MRTFB: variants seen among roughly 807,000 people sequenced by gnomAD.
The protein encoded by MRTFB is myocardin-related transcription factor B.
MRTFB carries 29 observed loss-of-function variants against 104.2 expected under a neutral mutation model. That is an observed-to-expected ratio of 0.28 (90% CI 0.21 to 0.38). The LOEUF is 0.38. Among genes scored for constraint, MRTFB ranks in the 10% least tolerant of loss-of-function variants. The pLI, the probability that MRTFB is intolerant of heterozygous loss-of-function variation, is 1.00. For synonymous variants in MRTFB, 535 were observed against 519.5 expected, an observed-to-expected ratio of 1.03 and a Z score of -0.41; for missense variants, 1,270 against 1,341.6, an observed-to-expected ratio of 0.95 and a Z score of 0.83.
chr16:14,246,947 C>A lies in MRTFB; in HGVS notation c.1687C>A (p.Leu563Met). ...TCCCACCAGCAGCACTCTGTCAAACCTGGAACTGGATGCAGCCGAAAAGGA... is the reference window on the plus strand; with the variant it reads ...TCCCACCAGCAGCACTCTGTCAAACATGGAACTGGATGCAGCCGAAAAGGA... ...LSPTSSTLSN[L>M]ELDAAEKDRK... is the part of the protein sequence containing the mutation. Residue 563 changes from leucine (L) to methionine (M), a missense_variant, in exon 12 of 17, where the codon CTG (leucine) becomes ATG (methionine). Leu to Met is a conservative substitution (Grantham distance 15). Coordinates refer to ENST00000571589, the MANE Select transcript of MRTFB (RefSeq NM_001308142.2). 1 of 1,614,076 alleles carries A rather than the reference C, an allele frequency of 6.2e-7. No homozygotes were observed. Among genetic ancestry groups the A allele is most frequent in the South Asian group, 1.1e-5 (1 of 91,086 alleles).
intron 8 of MRTFB, among the ~76,000 whole-genome samples, chr16:14,220,157 G>A (rs1054868440): frequency 1.3e-5 from 2 of 152,220 alleles, no homozygotes; most frequent in Admixed American, 1.3e-4. Flanking sequence ...CCCACAGTCT[G>A]AGGTTTGAGC....
intron 6 of MRTFB, among the ~76,000 whole-genome samples, chr16:14,216,404 TAAC>T (rs1436798780): frequency 6.6e-6 from 1 of 152,200 alleles, no homozygotes; most frequent in Non-Finnish European, 1.5e-5. Context: ...GAAAAAACAT[TAAC>T]AAGAGTTACC....
At chr16:14,241,070 C>T (rs757910464) in intron 10 of MRTFB, 4 of 428,938 alleles carry the variant, frequency 9.3e-6, no homozygotes, top group African/African-American at 2.0e-5. Flanking sequence ...CGAGTACAGC[C>T]AATGTCTAAG....
At chr16:14,080,236 A>G (rs1301703327) in intron 2 of MRTFB, among the ~76,000 whole-genome samples, 2 of 152,248 alleles carry the variant, frequency 1.3e-5, no homozygotes, top group African/African-American at 2.4e-5. Flanking sequence ...CCTGTCCTCT[A>G]AAGAGACTAC....
chr16:14,066,862 G>T (rs1484298450), upstream of MRTFB, among the ~76,000 whole-genome samples: 2 of 151,656 alleles, frequency 1.3e-5, no homozygotes, highest in Non-Finnish European at 2.9e-5. Flanking sequence ...GTAGAGACAG[G>T]GTATCATTAT....
chr16:14,111,710 G>A (rs1386949987), intron 2 of MRTFB, among the ~76,000 whole-genome samples: 1 of 152,126 alleles, frequency 6.6e-6, no homozygotes, highest in Non-Finnish European at 1.5e-5. Flanking sequence ...ACCTGGAAGA[G>A]GGAGGTGCTG....
chr16:14,257,640 A>G (rs920854732), intron 15 of MRTFB, among the ~76,000 whole-genome samples: 13 of 152,108 alleles, frequency 8.5e-5, no homozygotes, highest in African/African-American at 2.9e-4. Flanking sequence ...CATTATCTTG[A>G]TTTTGTTTAT....
chr16:13,999,436 G>T, the MRTFB span, among the ~76,000 whole-genome samples: 2 of 151,406 alleles, frequency 1.3e-5, no homozygotes, highest in Non-Finnish European at 2.9e-5. Flanking sequence ...ACTGGCTCTG[G>T]GATGGGCACA....
At chr16:14,198,708 C>T (rs1415610835) in intron 3 of MRTFB, among the ~76,000 whole-genome samples, 1 of 152,192 alleles carries the variant, frequency 6.6e-6, no homozygotes, top group Non-Finnish European at 1.5e-5. Flanking sequence ...TTCAACTTCT[C>T]CAAAAAGTTA....
rs768741320 is a variant in MRTFB at position 14,171,037 on chromosome 16, G to T, written c.154+30277G>T. Among the ~76,000 whole-genome samples, 33 of 152,156 alleles carry T rather than the reference G, an allele frequency of 2.2e-4. 1 individual carries two copies. Among genetic ancestry groups the T allele is most frequent in the Admixed American group, 5.2e-4 (8 of 15,284 alleles). On this transcript the variant is annotated intron_variant, in intron 3 of 16. Coordinates refer to ENST00000571589, the MANE Select transcript of MRTFB (RefSeq NM_001308142.2). ...TTATTTTGATGCTCAAAGTGTCTCA[G>T]ATTTGGCCACCTCCTTCAAGCTAGC...
intron 3 of MRTFB, chr16:14,149,583 A>G (rs2038511077): frequency 6.6e-6 from 1 of 152,226 alleles, no homozygotes. Context: ...CCGCTCTCCC[A>G]AAGTATTAAA....
intron 10 of MRTFB, chr16:14,240,930 CAG>C (rs2042740460): frequency 1.6e-6 from 1 of 608,124 alleles, no homozygotes; most frequent in African/African-American, 1.8e-5. Flanking sequence ...TTTCCAGGCA[CAG>C]GGGAATGCTG....
chr16:14,009,802 A>C, the MRTFB span: 1 of 152,158 alleles, frequency 6.6e-6, no homozygotes, highest in Admixed American at 6.5e-5. Flanking sequence ...CTTTCACTAA[A>C]GATGTTGTAG....
chr16:14,233,781 CAAA>C (rs1007606658), intron 8 of MRTFB, among the ~76,000 whole-genome samples: 13 of 49,992 alleles, frequency 2.6e-4, no homozygotes, highest in African/African-American at 3.5e-4. Flanking sequence ...GACTCCCTCT[CAAA>C]AAAAAAAAAA....
intron 2 of MRTFB, among the ~76,000 whole-genome samples, chr16:14,082,610 T>C (rs777778093): frequency 6.6e-6 from 1 of 152,072 alleles, no homozygotes; most frequent in Non-Finnish European, 1.5e-5. Flanking sequence ...AGTGAGACCC[T>C]GTTTCTGCAA....
chr16:14,184,072 TAAAAA>T (rs71757134), intron 3 of MRTFB, among the ~76,000 whole-genome samples: 14 of 121,794 alleles, frequency 1.1e-4, no homozygotes, highest in Non-Finnish European at 1.3e-4. Context: ...TCCTGAAATT[TAAAAA>T]AAAAAAAAAA....
chr16:14,011,937 A>G, the MRTFB span, among the ~76,000 whole-genome samples: 1 of 152,210 alleles, frequency 6.6e-6, no homozygotes, highest in East Asian at 1.9e-4. Context: ...CAGGGAACCC[A>G]CTTGGGAATT....
At chr16:14,228,405 T>C (rs2042104897) in intron 8 of MRTFB, among the ~76,000 whole-genome samples, 1 of 152,126 alleles carries the variant, frequency 6.6e-6, no homozygotes, top group African/African-American at 2.4e-5. Flanking sequence ...TGAAACCCTG[T>C]CTCTACTAAA....
intron 3 of MRTFB, among the ~76,000 whole-genome samples, chr16:14,176,196 T>C (rs1446961533): frequency 2.0e-5 from 3 of 152,210 alleles, no homozygotes; most frequent in Non-Finnish European, 4.4e-5. Context: ...AAGATGCTTA[T>C]CAACTAGCCT....
Sources: gnomAD v4.1 joint callset for allele counts (sites outside exome capture counted in the v4.1 genomes callset) on GRCh38, gnomAD v4.1.1 for gene constraint, MANE v1.5 for transcripts, NCBI Gene and HGNC (gene_info 2026-07-23, HGNC 2026-07-21) for gene names.